Variants in PCDHGB2 observed in about 807,000 individuals in gnomAD.
PCDHGB2 encodes protocadherin gamma-B2.
Under a neutral mutation model 59.3 loss-of-function variants are expected in PCDHGB2, and 55 were observed. The ratio of observed to expected loss-of-function variants is 0.93; its 90% CI spans 0.75 to 1.16. The LOEUF (loss-of-function observed/expected upper bound fraction) is 1.16. Ranked by LOEUF, PCDHGB2 falls within the 50% of genes most tolerant of loss-of-function variation. PCDHGB2 has a pLI of 0.00. For missense variants in PCDHGB2, 1,228 were observed against 1,198.5 expected (o/e 1.02, Z -0.36); for synonymous variants, 516 against 512.0 (o/e 1.01, Z -0.11).
intron 1 of PCDHGB2, among the ~76,000 whole-genome samples, chr5:141,482,530 C>CGAAAAAAA (rs2099566141): frequency 1.3e-5 from 1 of 76,562 alleles, no homozygotes; most frequent in African/African-American, 4.8e-5. Context: ...GACAGACATG[C>CGAAAAAAA]AAAAAAAAAA....
intron 1 of PCDHGB2, chr5:141,404,217 T>C (rs1188874623): frequency 6.2e-7 from 1 of 1,613,588 alleles, no homozygotes; most frequent in Non-Finnish European, 8.5e-7. Context: ...AATATCACGG[T>C]GACTGCAACA....
Position 141,375,204 on chromosome 5 carries a change from G to A in PCDHGB2, c.2421+12648G>A, listed in dbSNP as rs368044815. 218 of 1,613,850 alleles carry A rather than the reference G, an allele frequency of 1.4e-4. No individual in the cohort carries two copies. The highest frequency in any genetic ancestry group is 1.7e-4 in the Non-Finnish European group (204 of 1,179,898). ...ATCGCCCTTTTTCAAGTGTTCGATC[G>A]AGACTCTGGCCTGAATGGCCTGGTA... On this transcript the variant is annotated intron_variant, in intron 1 of 3. Coordinates refer to ENST00000522605, the MANE Select transcript of PCDHGB2 (RefSeq NM_018923.3).
chr5:141,407,135 GA>G (rs796659459), intron 1 of PCDHGB2, among the ~76,000 whole-genome samples: 93 of 151,930 alleles, frequency 6.1e-4, no homozygotes, highest in African/African-American at 2.2e-3. Flanking sequence ...TTATTTTTAA[GA>G]AAAAAAAGCT....
chr5:141,374,658 C>T (rs760635815), intron 1 of PCDHGB2: 1 of 1,611,764 alleles, frequency 6.2e-7, no homozygotes, highest in Non-Finnish European at 8.5e-7. Flanking sequence ...CCCAAGTACC[C>T]GGAGCTGGTG....
At chr5:141,438,621 TATATATATATATATACAC>T (rs1369797568) in intron 1 of PCDHGB2, among the ~76,000 whole-genome samples, 6 of 41,386 alleles carry the variant, frequency 1.4e-4, no homozygotes, top group South Asian at 9.0e-4. Context: ...TATATATATA[TATATATATATATATACAC>T]ACACACACAC....
At chr5:141,459,156 T>C (rs920698328) in intron 1 of PCDHGB2, among the ~76,000 whole-genome samples, 1 of 152,188 alleles carries the variant, frequency 6.6e-6, no homozygotes, top group Non-Finnish European at 1.5e-5. Flanking sequence ...ATATAGAACA[T>C]TTCTATAACC....
At chr5:141,374,520 C>G (rs1178494066) in intron 1 of PCDHGB2, 3 of 1,612,422 alleles carry the variant, frequency 1.9e-6, no homozygotes, top group Non-Finnish European at 2.5e-6. Flanking sequence ...CTCGAAAACG[C>G]AGCTCCATCC....
intron 1 of PCDHGB2, chr5:141,408,965 C>A: frequency 3.1e-6 from 5 of 1,613,806 alleles, no homozygotes; most frequent in Non-Finnish European, 4.2e-6. Flanking sequence ...TAGTGAAAAT[C>A]TGCCCCCTGG....
Position 141,370,976 on chromosome 5 carries a change from A to G in PCDHGB2, c.2421+8420A>G, listed in dbSNP as rs985937700. ...TGGATGGCAGTAGGTACCCAGAGCT[A>G]GTACTGAAAGCACCCCTGGACAGGG... On this transcript the variant is annotated intron_variant, in intron 1 of 3. Coordinates refer to ENST00000522605, the MANE Select transcript of PCDHGB2 (RefSeq NM_018923.3). The G allele has an allele frequency of 5.0e-6, 8 of 1,613,914 alleles. No homozygotes were observed. The Admixed American group carries it at 1.0e-4, about 20-fold the overall frequency.
intron 1 of PCDHGB2, among the ~76,000 whole-genome samples, chr5:141,484,122 T>C (rs1343894991): frequency 6.6e-6 from 1 of 152,180 alleles, no homozygotes; most frequent in African/African-American, 2.4e-5. Context: ...CAAGAATACC[T>C]TGGTGTCAGA....
chr5:141,504,351 G>A (rs77439649), intron 2 of PCDHGB2, among the ~76,000 whole-genome samples: 2 of 152,010 alleles, frequency 1.3e-5, no homozygotes, highest in African/African-American at 4.8e-5. Context: ...CTTTGTGCTA[G>A]GTGCTTCAGT....
At chr5:141,467,627 G>A (rs2099147481) in intron 1 of PCDHGB2, among the ~76,000 whole-genome samples, 1 of 152,140 alleles carries the variant, frequency 6.6e-6, no homozygotes, top group South Asian at 2.1e-4. Context: ...ATTTGAGATA[G>A]CATCTTTATC....
At chr5:141,429,542 A>G (rs1484411621) in intron 1 of PCDHGB2, among the ~76,000 whole-genome samples, 3 of 152,188 alleles carry the variant, frequency 2.0e-5, no homozygotes, top group African/African-American at 7.2e-5. Context: ...AAATAAGAAC[A>G]TGGTAATGAT....
Position 141,376,152 on chromosome 5 carries a change from C to G in PCDHGB2, c.2421+13596C>G, listed in dbSNP as rs376990625. 10 of 1,614,026 alleles carry G rather than the reference C, an allele frequency of 6.2e-6. No individual in the cohort carries two copies. In the African/African-American group the frequency reaches 1.3e-4, roughly 22 times the overall value. On this transcript the variant is annotated intron_variant, in intron 1 of 3. Transcript: ENST00000522605. ...GCCAAACCCAACGATTCGGACCTCACTCTGTACCTGGTGGTGGCGGTGGCC... is the reference window on the plus strand; with the variant it reads ...GCCAAACCCAACGATTCGGACCTCAGTCTGTACCTGGTGGTGGCGGTGGCC...
intron 1 of PCDHGB2, among the ~76,000 whole-genome samples, chr5:141,447,779 A>T (rs770299374): frequency 2.0e-5 from 3 of 152,210 alleles, no homozygotes; most frequent in Non-Finnish European, 4.4e-5. Flanking sequence ...ACTTTAATTG[A>T]AAATAAATTT....
intron 1 of PCDHGB2, chr5:141,372,254 C>G: frequency 6.2e-7 from 1 of 1,613,086 alleles, no homozygotes; most frequent in Non-Finnish European, 8.5e-7. Context: ...TCAGCCTGGG[C>G]CTGCGCACGG....
Position 141,487,767 on chromosome 5 carries a change from T to G in PCDHGB2, c.2422-7040T>G, listed in dbSNP as rs2099665569. The G allele has an allele frequency of 5.2e-6, 8 of 1,538,298 alleles. No homozygotes were observed. The African/African-American group carries it at 9.6e-5, about 18-fold the overall frequency. On this transcript the variant is annotated intron_variant, in intron 1 of 3. Transcript: ENST00000522605. This position sits in a 1 kb window ranked among gnomAD's most constrained non-coding sequence, Gnocchi z 5.0. ...GGTAACTATGTGGTAGACGCTGTGC[T>G]TTGTAACTGTTTCGTGAATTAACCA... is the stretch of plus-strand genomic sequence containing the variant.
At chr5:141,400,077 C>T in intron 1 of PCDHGB2, 4 of 1,614,040 alleles carry the variant, frequency 2.5e-6, no homozygotes, top group South Asian at 1.1e-5. Context: ...AGCCGCCACT[C>T]TCCGCCACCG....
chr5:141,408,921 C>T (rs1228341286), intron 1 of PCDHGB2: 2 of 1,613,462 alleles, frequency 1.2e-6, no homozygotes, highest in African/African-American at 1.3e-5. Flanking sequence ...GATAACCCCC[C>T]GGTTTTCAGC....
Sources: gnomAD v4.1 joint callset for allele counts (sites outside exome capture counted in the v4.1 genomes callset) on GRCh38, gnomAD v4.1.1 for gene constraint, Gnocchi (gnomAD v3.1) non-coding constraint, MANE v1.5 for transcripts, NCBI Gene and HGNC (gene_info 2026-07-23, HGNC 2026-07-21) for gene names.